Variants in FMN2 observed in about 807,000 individuals in gnomAD.
FMN2 encodes the protein formin 2, also known as formin-2.
In FMN2, 51 loss-of-function variants were observed where a neutral mutation model predicts 142.3. The ratio of observed to expected loss-of-function variants is 0.36; its 90% CI spans 0.29 to 0.45. The LOEUF (loss-of-function observed/expected upper bound fraction) is 0.45. Among genes scored for constraint, FMN2 ranks in the 20% least tolerant of loss-of-function variants. The pLI, the probability that FMN2 is intolerant of heterozygous loss-of-function variation, is 1.00. For synonymous variants in FMN2, 882 were observed against 869.8 expected (o/e 1.01, Z -0.25); for missense variants, 1,936 against 2,122.8 (o/e 0.91, Z 1.73).
At chr1:240,460,766 A>G (rs1048656205) in intron 16 of FMN2, among the ~76,000 whole-genome samples, 3 of 152,118 alleles carry the variant, frequency 2.0e-5, no homozygotes, top group Non-Finnish European at 4.4e-5. Flanking sequence ...TTATTAAACA[A>G]TATAAATATT....
intron 15 of FMN2, among the ~76,000 whole-genome samples, chr1:240,422,220 G>C (rs1425434714): frequency 6.6e-6 from 1 of 152,114 alleles, no homozygotes; most frequent in Non-Finnish European, 1.5e-5. Context: ...GTATGGTGTT[G>C]GCTATTCCAG....
At chr1:240,392,132 G>C (rs1445555968) in intron 14 of FMN2, among the ~76,000 whole-genome samples, 1 of 150,102 alleles carries the variant, frequency 6.7e-6, no homozygotes, top group Non-Finnish European at 1.5e-5. Flanking sequence ...TTTTTGACGT[G>C]TTTACACCTT....
At position 240,214,612 on chromosome 1, in the gene FMN2, G is replaced by T. The variant is rs529887324; in HGVS notation, c.4065+3377G>T. ...GATCTCTTATGATGTTCATGCTTTA[G>T]CATTCACACACATTCACACTTGCCC... On this transcript the variant is annotated intron_variant, in intron 6 of 17. Transcript: ENST00000319653. Among the ~76,000 whole-genome samples, 6 of 151,932 alleles carry T rather than the reference G, an allele frequency of 3.9e-5. No homozygotes were observed. In the South Asian group the frequency reaches 1.2e-3, roughly 32 times the overall value.
intron 2 of FMN2, among the ~76,000 whole-genome samples, chr1:240,167,332 G>A (rs1664521529): frequency 7.3e-6 from 1 of 137,306 alleles, no homozygotes; most frequent in African/African-American, 3.0e-5. Context: ...CTGACACCCA[G>A]GCTGAAGTAC....
At chr1:240,187,102 CAAAAAA>C (rs35262264) in intron 3 of FMN2, among the ~76,000 whole-genome samples, 2 of 117,398 alleles carry the variant, frequency 1.7e-5, no homozygotes, top group African/African-American at 3.2e-5. Flanking sequence ...CCGTCTGTAC[CAAAAAA>C]AAAAAAAAAA....
intron 7 of FMN2, among the ~76,000 whole-genome samples, chr1:240,267,132 C>T (rs865897159): frequency 4.6e-5 from 7 of 151,912 alleles, no homozygotes; most frequent in African/African-American, 7.2e-5. Context: ...CTGCACAGCA[C>T]GAGAAACTCT....
chr1:240,173,735 A>G (rs1664802647), intron 2 of FMN2, among the ~76,000 whole-genome samples: 1 of 152,186 alleles, frequency 6.6e-6, no homozygotes, highest in Non-Finnish European at 1.5e-5. Flanking sequence ...GAGCTACGTG[A>G]TGAATGGGAG....
intron 7 of FMN2, among the ~76,000 whole-genome samples, chr1:240,259,198 G>A (rs956477099): frequency 6.6e-6 from 1 of 152,196 alleles, no homozygotes; most frequent in African/African-American, 2.4e-5. Context: ...ATGTAGCCCA[G>A]TTAAGTCATA....
rs566244733 is a variant in FMN2 at position 240,137,579 on chromosome 1, A to C, written c.1782+14234A>C. On this transcript the variant is annotated intron_variant, in intron 2 of 17. Transcript: ENST00000319653. Reference sequence around the variant, plus strand: ...CTGTCTCTTACCATGTGTGCTCACCAGCCAGTCACACAATATTTATGGAAT... The same window carrying C: ...CTGTCTCTTACCATGTGTGCTCACCCGCCAGTCACACAATATTTATGGAAT... Among the ~76,000 whole-genome samples the C allele has an allele frequency of 9.1e-4, 139 of 152,358 alleles. 1 individual carries two copies. The highest frequency in any genetic ancestry group is 6.6e-4 in the Non-Finnish European group (45 of 68,032).
chr1:240,298,879 C>G (rs1040036113), intron 8 of FMN2, among the ~76,000 whole-genome samples: 2 of 152,072 alleles, frequency 1.3e-5, no homozygotes, highest in Non-Finnish European at 2.9e-5. Flanking sequence ...GGGAATTTTC[C>G]ACTTTTTGCT....
intron 15 of FMN2, among the ~76,000 whole-genome samples, chr1:240,405,075 A>C (rs920760289): frequency 1.3e-5 from 2 of 152,168 alleles, no homozygotes; most frequent in Non-Finnish European, 2.9e-5. Flanking sequence ...CTGTCTCCAG[A>C]AGCTATGTTC....
At chr1:240,422,622 A>G (rs1674811413) in intron 15 of FMN2, among the ~76,000 whole-genome samples, 1 of 152,176 alleles carries the variant, frequency 6.6e-6, no homozygotes, top group South Asian at 2.1e-4. Context: ...ATATTTGTGT[A>G]TTAGCTCCGG....
chr1:240,296,833 T>C (rs1184778829), intron 8 of FMN2, among the ~76,000 whole-genome samples: 1 of 152,272 alleles, frequency 6.6e-6, no homozygotes, highest in Admixed American at 6.5e-5. Flanking sequence ...TGAAACTGAG[T>C]CAGAAACAAA....
At chr1:240,423,754 G>C (rs1433457165) in intron 15 of FMN2, among the ~76,000 whole-genome samples, 1 of 152,194 alleles carries the variant, frequency 6.6e-6, no homozygotes, top group African/African-American at 2.4e-5. Context: ...ATAGATGTGT[G>C]CATAAGAAAA....
chr1:240,409,359 G>T (rs1171785713), intron 15 of FMN2, among the ~76,000 whole-genome samples: 2 of 152,000 alleles, frequency 1.3e-5, no homozygotes, highest in East Asian at 1.9e-4. Context: ...GGCCAAGCTG[G>T]TCTCAAACTC....
chr1:240,459,382 A>G (rs1001751130), intron 16 of FMN2: 5 of 152,164 alleles, frequency 3.3e-5, no homozygotes, highest in Non-Finnish European at 5.9e-5. Flanking sequence ...CTGAGATGCT[A>G]GCCACCTCTG....
At chr1:240,300,913 A>C (rs1302562368) in intron 8 of FMN2, among the ~76,000 whole-genome samples, 1 of 129,094 alleles carries the variant, frequency 7.7e-6, no homozygotes, top group East Asian at 2.5e-4. Context: ...TTTTTTTTCC[A>C]ACTCCATCTG....
chr1:240,227,071 ATGATCT>A (rs1667335591), intron 6 of FMN2, among the ~76,000 whole-genome samples: 1 of 152,254 alleles, frequency 6.6e-6, no homozygotes, highest in African/African-American at 2.4e-5. Context: ...TGCAGATGAC[ATGATCT>A]TGTATGTAAG....
At chr1:240,175,836 T>C (rs1215374929) in intron 2 of FMN2, among the ~76,000 whole-genome samples, 1 of 152,212 alleles carries the variant, frequency 6.6e-6, no homozygotes, top group Non-Finnish European at 1.5e-5. Flanking sequence ...GCTTGTTGAC[T>C]ATTTTGTGTA....
Sources: allele counts gnomAD v4.1 joint callset (sites outside exome capture counted in the v4.1 genomes callset), GRCh38; gene constraint gnomAD v4.1.1; transcripts MANE v1.5; gene names NCBI Gene and HGNC (gene_info 2026-07-23, HGNC 2026-07-21).